TBC1D22A: variants seen among roughly 807,000 people sequenced by gnomAD.
The protein encoded by TBC1D22A is putative GTPase activator.
Under a neutral mutation model 60.2 loss-of-function variants are expected in TBC1D22A, and 38 were observed. The ratio of observed to expected loss-of-function variants is 0.63; its 90% confidence interval spans 0.49 to 0.83. TBC1D22A has a LOEUF of 0.83. Ranked by LOEUF, TBC1D22A falls within the 40% of genes least tolerant of loss-of-function variation. TBC1D22A has a pLI of 0.00. For synonymous variants in TBC1D22A, 302 were observed against 281.7 expected (o/e 1.07, Z -0.72); for missense variants, 628 against 701.0 (o/e 0.90, Z 1.18).
chr22:46,927,778 C>T (rs1445497842), intron 8 of TBC1D22A, among the ~76,000 whole-genome samples: 1 of 152,196 alleles, frequency 6.6e-6, no homozygotes. Context: ...GTTACATTTT[C>T]ATGCACTTGC....
At position 46,935,583 on chromosome 22, in the gene TBC1D22A, G is replaced by A. The variant is rs570636835; in HGVS notation, c.1015+23395G>A. 3.9e-5 allele frequency among the ~76,000 whole-genome samples: 6 copies of A among 152,344 alleles called. No homozygotes were observed. In the South Asian group the frequency reaches 1.2e-3, roughly 32 times the overall value. The stretch of plus-strand genomic sequence containing the variant: ...AAGTTTGGGTGACATTTCTCCCTGT[G>A]ATTCCGTCTCGCCCCCCTCCTTTCC... On this transcript the variant is annotated intron_variant, in intron 8 of 12. Coordinates refer to ENST00000337137, the MANE Select transcript of TBC1D22A (RefSeq NM_014346.5).
chr22:46,771,436 A>C (rs554113932), intron 1 of TBC1D22A, among the ~76,000 whole-genome samples: 1 of 152,220 alleles, frequency 6.6e-6, no homozygotes, highest in Non-Finnish European at 1.5e-5. Flanking sequence ...GCACCTGAGC[A>C]GTATACACTG....
intron 1 of TBC1D22A, among the ~76,000 whole-genome samples, chr22:46,776,706 G>C (rs2083721243): frequency 6.6e-6 from 1 of 151,930 alleles, no homozygotes; most frequent in Admixed American, 6.6e-5. Context: ...GAGAGAGGAA[G>C]GGGACTGTCA....
chr22:46,936,130 C>G (rs1275364213), intron 8 of TBC1D22A, among the ~76,000 whole-genome samples: 1 of 152,206 alleles, frequency 6.6e-6, no homozygotes, highest in African/African-American at 2.4e-5. Context: ...CAGAGGGTGC[C>G]GGGCATGTGC....
intron 1 of TBC1D22A, chr22:46,764,328 G>A (rs1439188766): frequency 2.6e-5 from 4 of 152,284 alleles, no homozygotes; most frequent in Admixed American, 2.6e-4. Context: ...GGAGGTCCTG[G>A]TAGTGACAGG....
intron 10 of TBC1D22A, among the ~76,000 whole-genome samples, chr22:47,019,916 C>T (rs873423): frequency 2.4e-5 from 3 of 122,972 alleles, no homozygotes; most frequent in South Asian, 2.5e-4. Flanking sequence ...TCTCCATCCT[C>T]CCCTCTCCCT....
intron 12 of TBC1D22A, among the ~76,000 whole-genome samples, chr22:47,150,630 G>C (rs775777304): frequency 7.9e-5 from 12 of 152,220 alleles, no homozygotes; most frequent in Non-Finnish European, 1.6e-4. Flanking sequence ...TTGCCCACTT[G>C]TGGGCCACAA....
chr22:47,038,318 G>GTTGATGC (rs997054139), intron 11 of TBC1D22A, among the ~76,000 whole-genome samples: 3 of 152,232 alleles, frequency 2.0e-5, no homozygotes, highest in African/African-American at 7.2e-5. Flanking sequence ...GCCCTTGGAG[G>GTTGATGC]TTGATGCTGG....
chr22:46,891,470 A>G, intron 6 of TBC1D22A, 76 bp downstream of exon 6: 1 of 1,474,586 alleles, frequency 6.8e-7, no homozygotes. Context: ...GAAATGTTTT[A>G]TCAAAACCAT....
chr22:46,951,370 G>C (rs1239507402), intron 8 of TBC1D22A, among the ~76,000 whole-genome samples: 1 of 152,142 alleles, frequency 6.6e-6, no homozygotes, highest in Non-Finnish European at 1.5e-5. Context: ...CTGAGGCCGG[G>C]CAGCAGTGTC....
intron 12 of TBC1D22A, among the ~76,000 whole-genome samples, chr22:47,170,455 T>A (rs753330358): frequency 2.0e-5 from 3 of 152,220 alleles, no homozygotes; most frequent in Non-Finnish European, 4.4e-5. Flanking sequence ...AGATTGATGT[T>A]GATATGTCCC....
At chr22:47,076,007 G>T (rs917466127) in intron 11 of TBC1D22A, among the ~76,000 whole-genome samples, 1 of 152,094 alleles carries the variant, frequency 6.6e-6, no homozygotes, top group Non-Finnish European at 1.5e-5. Flanking sequence ...AGTTCTGAAC[G>T]TATATGCACC....
At chr22:46,938,998 A>T (rs1014022617) in intron 8 of TBC1D22A, among the ~76,000 whole-genome samples, 1 of 144,868 alleles carries the variant, frequency 6.9e-6, no homozygotes. Context: ...ATGATCCTTG[A>T]ATTTTCTTAC....
At chr22:46,950,824 A>G (rs1335649253) in intron 8 of TBC1D22A, among the ~76,000 whole-genome samples, 1 of 152,046 alleles carries the variant, frequency 6.6e-6, no homozygotes, top group Non-Finnish European at 1.5e-5. Context: ...ACAATACAAA[A>G]CCAAACACAC....
In TBC1D22A at chr22:47,174,926, A is replaced by G. The variant is rs575257261; in HGVS notation, c.*1300A>G. On this transcript the variant is annotated 3_prime_UTR_variant, in exon 13 of 13. Transcript: ENST00000337137. ...GTTCCCTCGGTGTGTCACAGGCTGC[A>G]TGACCCCTGGAATGCGGGCAGGGCC... The G allele has an allele frequency of 2.0e-5, 3 of 152,246 alleles. No individual in the cohort carries two copies. The highest frequency in any genetic ancestry group is 2.9e-5 in the Non-Finnish European group (2 of 68,070). 9.4% of individuals were successfully genotyped at this position (152,246 alleles called of 1,614,324 possible). A position where few individuals can be genotyped will look rare whatever the true frequency, so the allele number is the denominator to read the frequency against.
intron 4 of TBC1D22A, 108 bp downstream of exon 4, chr22:46,797,728 G>A (rs1266318210): frequency 1.7e-6 from 2 of 1,190,858 alleles, no homozygotes; most frequent in African/African-American, 1.6e-5. Context: ...ACACGCGTCC[G>A]TGTGTAATTT....
At chr22:47,018,443 T>C (rs2061974114) in intron 10 of TBC1D22A, among the ~76,000 whole-genome samples, 1 of 152,224 alleles carries the variant, frequency 6.6e-6, no homozygotes, top group South Asian at 2.1e-4. Flanking sequence ...AGACATTGGC[T>C]AGACTGCTTT....
intron 4 of TBC1D22A, among the ~76,000 whole-genome samples, chr22:46,870,781 C>T (rs2067260360): frequency 6.6e-6 from 1 of 152,162 alleles, no homozygotes. Context: ...GCTCACATGA[C>T]AGAGGAGCAG....
intron 12 of TBC1D22A, among the ~76,000 whole-genome samples, chr22:47,115,179 G>A (rs760682405): frequency 8.6e-6 from 1 of 115,704 alleles, no homozygotes; most frequent in African/African-American, 3.8e-5. Flanking sequence ...CCCAGGAGGT[G>A]TGTGCTTCTC....
Sources: gnomAD v4.1 joint callset for allele counts (sites outside exome capture counted in the v4.1 genomes callset) on GRCh38, gnomAD v4.1.1 for gene constraint, MANE v1.5 for transcripts, NCBI Gene and HGNC (gene_info 2026-07-23, HGNC 2026-07-21) for gene names.